The following PTPRG variants were observed in gnomAD, a reference collection of about 807,000 sequenced individuals.
The protein encoded by PTPRG is receptor-type tyrosine-protein phosphatase gamma.
A neutral mutation model predicts 165.3 loss-of-function variants in PTPRG; 102 were observed. That is an observed-to-expected ratio of 0.62 (90% confidence interval 0.53 to 0.73). PTPRG has a LOEUF of 0.73. PTPRG is among the 30% of genes least tolerant of loss of function. PTPRG has a pLI of 0.00. For missense variants in PTPRG, 1,866 were observed against 1,861.4 expected (o/e 1.00, Z -0.05); for synonymous variants, 675 against 669.5 (o/e 1.01, Z -0.13).
chr3:62,034,717 T>G (rs1242490048), intron 4 of PTPRG, among the ~76,000 whole-genome samples: 1 of 152,172 alleles, frequency 6.6e-6, no homozygotes, highest in East Asian at 1.9e-4. Flanking sequence ...CAAAAGAAAT[T>G]TTTTAAATGT....
chr3:61,822,696 C>T (rs1191160287), intron 2 of PTPRG, among the ~76,000 whole-genome samples: 1 of 152,134 alleles, frequency 6.6e-6, no homozygotes, highest in Non-Finnish European at 1.5e-5. Flanking sequence ...GAGGAATTTT[C>T]CAATGTGAAG....
chr3:61,693,901 G>C, intron 1 of PTPRG, among the ~76,000 whole-genome samples: 1 of 151,728 alleles, frequency 6.6e-6, no homozygotes, highest in East Asian at 1.9e-4. Context: ...CCAGCTACTC[G>C]GGAGGCTGAG....
chr3:61,712,323 G>T (rs952547474), intron 1 of PTPRG, among the ~76,000 whole-genome samples: 1 of 150,334 alleles, frequency 6.7e-6, no homozygotes, highest in Non-Finnish European at 1.5e-5. Context: ...TTGTCACAGC[G>T]GCTTAAGACT....
rs200401593 is a variant in PTPRG, at chr3:61,621,037, A to G, written c.85+58665A>G. Among the ~76,000 whole-genome samples the G allele has an allele frequency of 4.9e-3, 510 of 103,748 alleles. 4 individuals carry two copies. The highest frequency in any genetic ancestry group is 0.012 in the East Asian group (43 of 3,712). The allele number at this position is 103,748 out of a possible 152,430, so 68.1% of individuals were successfully genotyped here. ...CCCATGCCCCAGTGTGTGTGTGTATATATATATATATATATGTGTGTGTGT... is the reference window on the plus strand; with the variant it reads ...CCCATGCCCCAGTGTGTGTGTGTATGTATATATATATATATGTGTGTGTGT... On this transcript the variant is annotated intron_variant, in intron 1 of 29. Transcript: ENST00000474889.
In PTPRG at chr3:62,129,394, A is replaced by G. The variant is rs527687110; in HGVS notation, c.616-3208A>G. ...TCGTAGTCTTTTTTGTGCTGCTGTC[A>G]CAGAATGCCACACTGGGTAATTTAT... On this transcript the variant is annotated intron_variant, in intron 5 of 29. Coordinates refer to ENST00000474889, the MANE Select transcript of PTPRG (RefSeq NM_002841.4). 2.4e-3 allele frequency among the ~76,000 whole-genome samples: 362 copies of G among 152,294 alleles called. 2 individuals are homozygous for G. Among genetic ancestry groups the G allele is most frequent in the African/African-American group, 7.9e-3 (329 of 41,568 alleles).
intron 1 of PTPRG, among the ~76,000 whole-genome samples, chr3:61,585,342 C>T (rs923926042): frequency 6.0e-5 from 9 of 150,054 alleles, no homozygotes; most frequent in African/African-American, 9.8e-5. Flanking sequence ...CATATAGGTA[C>T]GTGGAGGAAA....
chr3:61,676,414 A>G (rs544818622), intron 1 of PTPRG, among the ~76,000 whole-genome samples: 183 of 133,300 alleles, frequency 1.4e-3, no homozygotes, highest in African/African-American at 5.1e-3. Context: ...CTGAGATTGC[A>G]CCACTGCACT....
chr3:62,047,314 C>T (rs1046307022), intron 4 of PTPRG, among the ~76,000 whole-genome samples: 4 of 151,672 alleles, frequency 2.6e-5, no homozygotes, highest in Non-Finnish European at 4.4e-5. Flanking sequence ...GGCTGGAGTG[C>T]AGTGGCATGA....
At chr3:61,928,195 C>T (rs1156475095) in intron 2 of PTPRG, among the ~76,000 whole-genome samples, 1 of 152,162 alleles carries the variant, frequency 6.6e-6, no homozygotes, top group Non-Finnish European at 1.5e-5. Context: ...TTCAAGCTCC[C>T]TCTGGTTGCT....
chr3:62,232,723 C>T (rs1700933913), intron 14 of PTPRG, among the ~76,000 whole-genome samples: 1 of 152,186 alleles, frequency 6.6e-6, no homozygotes, highest in African/African-American at 2.4e-5. Flanking sequence ...CAGAGATGCC[C>T]CAGTCTCTCT....
intron 2 of PTPRG, among the ~76,000 whole-genome samples, chr3:61,897,863 G>A (rs1302071161): frequency 1.3e-5 from 2 of 151,854 alleles, no homozygotes; most frequent in Non-Finnish European, 2.9e-5. Context: ...TCCTTTTTTA[G>A]TATATAGAAA....
intron 1 of PTPRG, among the ~76,000 whole-genome samples, chr3:61,740,149 G>A (rs542695397): frequency 2.6e-5 from 4 of 152,316 alleles, no homozygotes; most frequent in African/African-American, 9.6e-5. Context: ...AAAATGGAAA[G>A]TACAGGTCTG....
At chr3:62,121,264 C>T (rs1703061071) in intron 5 of PTPRG, among the ~76,000 whole-genome samples, 1 of 152,062 alleles carries the variant, frequency 6.6e-6, no homozygotes, top group Non-Finnish European at 1.5e-5. Context: ...ATAGCTACAG[C>T]TTTTAAGGAT....
intron 17 of PTPRG, 81 bp downstream of exon 17, chr3:62,262,975 C>A: frequency 1.0e-6 from 1 of 1,003,922 alleles, no homozygotes; most frequent in Non-Finnish European, 1.5e-6. Context: ...GCCAAGCAGT[C>A]AGAAGCAGGA....
intron 1 of PTPRG, among the ~76,000 whole-genome samples, chr3:61,725,746 G>A (rs2032232207): frequency 7.0e-6 from 1 of 142,202 alleles, no homozygotes; most frequent in South Asian, 2.2e-4. Context: ...TGGCTACTGT[G>A]TTCATTGCAA....
intron 4 of PTPRG, among the ~76,000 whole-genome samples, chr3:62,008,720 C>A (rs1323485665): frequency 6.6e-6 from 1 of 152,186 alleles, no homozygotes; most frequent in Non-Finnish European, 1.5e-5. Flanking sequence ...ACTGTTCCAC[C>A]TCAGATCATC....
At chr3:62,159,841 T>G (rs916476074) in intron 7 of PTPRG, among the ~76,000 whole-genome samples, 1 of 152,202 alleles carries the variant, frequency 6.6e-6, no homozygotes, top group African/African-American at 2.4e-5. Flanking sequence ...CAGCTCATAT[T>G]CATGTGGCCA....
intron 12 of PTPRG, among the ~76,000 whole-genome samples, chr3:62,218,190 G>A (rs1485424126): frequency 6.6e-6 from 1 of 152,128 alleles, no homozygotes; most frequent in Non-Finnish European, 1.5e-5. Flanking sequence ...TGAGATTCTA[G>A]GGCAAGATGT....
chr3:61,791,701 T>C (rs547572024), intron 2 of PTPRG, among the ~76,000 whole-genome samples: 85 of 152,358 alleles, frequency 5.6e-4, no homozygotes, highest in Non-Finnish European at 6.9e-4. Flanking sequence ...TTGGCCAGGC[T>C]GGTCTCAAAC....
Sources: allele counts gnomAD v4.1 joint callset (sites outside exome capture counted in the v4.1 genomes callset), GRCh38; gene constraint gnomAD v4.1.1; transcripts MANE v1.5; gene names NCBI Gene and HGNC (gene_info 2026-07-23, HGNC 2026-07-21).